PRKCE: variants seen among roughly 807,000 people sequenced by gnomAD.
PRKCE encodes the protein protein kinase C epsilon type.
In PRKCE, 16 loss-of-function variants were observed where a neutral mutation model predicts 85.4. That is an observed-to-expected ratio of 0.19 (90% CI 0.13 to 0.28). The LOEUF is 0.28. Among genes scored for constraint, PRKCE ranks in the 10% least tolerant of loss-of-function variants. The pLI, the probability that PRKCE is intolerant of heterozygous loss-of-function variation, is 1.00. For synonymous variants in PRKCE, 388 were observed against 371.5 expected, an observed-to-expected ratio of 1.04 and a Z score of -0.51; for missense variants, 573 against 975.2, an observed-to-expected ratio of 0.59 and a Z score of 5.49.
intron 2 of PRKCE, among the ~76,000 whole-genome samples, chr2:45,892,675 A>G (rs2103618606): frequency 6.6e-6 from 1 of 152,056 alleles, no homozygotes; most frequent in South Asian, 2.2e-4. Context: ...GCCCAGAAGC[A>G]AATGTAGCAT....
chr2:45,890,822 G>A (rs778576185), intron 2 of PRKCE, among the ~76,000 whole-genome samples: 2 of 152,196 alleles, frequency 1.3e-5, no homozygotes, highest in African/African-American at 2.4e-5. Context: ...TGCTGGTTGA[G>A]GGATGGGTTA....
chr2:45,935,069 A>T (rs13013087), intron 2 of PRKCE, among the ~76,000 whole-genome samples: 1,112 of 96,896 alleles, frequency 0.011, 6 homozygotes, highest in Admixed American at 0.016. Flanking sequence ...TCTCTCTCTC[A>T]CACACACACA....
At chr2:46,153,343 G>A (rs1305284975) in intron 13 of PRKCE, among the ~76,000 whole-genome samples, 12 of 152,022 alleles carry the variant, frequency 7.9e-5, no homozygotes, top group Admixed American at 7.9e-4. Context: ...AATATTTATT[G>A]GCAGGCACTA....
intron 5 of PRKCE, among the ~76,000 whole-genome samples, chr2:45,984,239 G>T (rs984845608): frequency 6.6e-6 from 1 of 152,144 alleles, no homozygotes; most frequent in African/African-American, 2.4e-5. Flanking sequence ...CACCCGGCCT[G>T]AGGTACACAT....
At chr2:45,831,560 A>G (rs1690425818) in intron 1 of PRKCE, among the ~76,000 whole-genome samples, 1 of 152,220 alleles carries the variant, frequency 6.6e-6, no homozygotes, top group South Asian at 2.1e-4. Flanking sequence ...GAGAACAGAG[A>G]ATAAACAGAA....
chr2:46,027,178 T>C (rs1707177581), intron 10 of PRKCE, among the ~76,000 whole-genome samples: 1 of 151,718 alleles, frequency 6.6e-6, no homozygotes, highest in Non-Finnish European at 1.5e-5. Flanking sequence ...CAAAAATAAA[T>C]AAAAGAATTA....
At chr2:46,162,864 C>A (rs1272364912) in intron 14 of PRKCE, among the ~76,000 whole-genome samples, 1 of 152,146 alleles carries the variant, frequency 6.6e-6, no homozygotes, top group Non-Finnish European at 1.5e-5. Context: ...GGAAAAGTGA[C>A]CCAAATCTGT....
intron 10 of PRKCE, among the ~76,000 whole-genome samples, chr2:46,039,179 A>G (rs1708068453): frequency 6.6e-6 from 1 of 152,250 alleles, no homozygotes; most frequent in Admixed American, 6.5e-5. Context: ...TTTCAGGATT[A>G]AATGAGTGGA....
chr2:45,958,381 C>T (rs1461985277), intron 2 of PRKCE, among the ~76,000 whole-genome samples: 3 of 150,922 alleles, frequency 2.0e-5, no homozygotes, highest in East Asian at 1.9e-4. Flanking sequence ...TGGTGGCGGG[C>T]GCCTGTAGTC....
intron 2 of PRKCE, chr2:45,845,515 G>C (rs1378246151): frequency 6.6e-6 from 1 of 151,896 alleles, no homozygotes; most frequent in Non-Finnish European, 1.5e-5. Context: ...CTCAAATGCT[G>C]CAGCCCCATC....
chr2:45,781,169 C>T (rs1177229179), intron 1 of PRKCE, among the ~76,000 whole-genome samples: 4 of 148,286 alleles, frequency 2.7e-5, no homozygotes, highest in African/African-American at 1.1e-4. Context: ...CCCCCCATCT[C>T]TACAAAATAA....
intron 6 of PRKCE, among the ~76,000 whole-genome samples, chr2:45,987,642 G>A (rs952037961): frequency 2.0e-4 from 30 of 151,210 alleles, no homozygotes; most frequent in African/African-American, 6.8e-4. Context: ...GCACAGCCAC[G>A]GAACCTGCAC....
chr2:45,940,134 T>C (rs1573957764), intron 2 of PRKCE, among the ~76,000 whole-genome samples: 1 of 152,192 alleles, frequency 6.6e-6, no homozygotes, highest in South Asian at 2.1e-4. Context: ...GCAATGCAAA[T>C]TGGAAGCTTC....
intron 11 of PRKCE, among the ~76,000 whole-genome samples, chr2:46,101,427 T>G (rs1024218716): frequency 6.6e-6 from 1 of 152,058 alleles, no homozygotes; most frequent in African/African-American, 2.4e-5. Context: ...AAAGAGGACA[T>G]GGAAGAGTGG....
intron 2 of PRKCE, among the ~76,000 whole-genome samples, chr2:45,954,742 T>C (rs925585065): frequency 1.3e-5 from 2 of 152,252 alleles, no homozygotes; most frequent in African/African-American, 4.8e-5. Flanking sequence ...CAAGTACTTA[T>C]TGCATGCTCT....
chr2:45,858,896 C>T (rs1357763568), intron 2 of PRKCE, among the ~76,000 whole-genome samples: 3 of 151,904 alleles, frequency 2.0e-5, no homozygotes, highest in Admixed American at 1.3e-4. Flanking sequence ...CAAAAATTAG[C>T]CGGGCATGGT....
intron 6 of PRKCE, among the ~76,000 whole-genome samples, chr2:45,985,831 G>A (rs898666153): frequency 6.6e-6 from 1 of 152,328 alleles, no homozygotes; most frequent in Admixed American, 6.5e-5. Flanking sequence ...AACTCGAGGT[G>A]CCCGTGGCAA....
intron 2 of PRKCE, among the ~76,000 whole-genome samples, 176 bp from the exon 3 acceptor site, chr2:45,976,253 C>T (rs1225306538): frequency 3.9e-5 from 6 of 152,202 alleles, no homozygotes; most frequent in Non-Finnish European, 5.9e-5. Flanking sequence ...TGTGCTCGCT[C>T]ACTCCAGCTG....
chr2:45,802,785 C>G (rs1166631893), intron 1 of PRKCE, among the ~76,000 whole-genome samples: 1 of 152,218 alleles, frequency 6.6e-6, no homozygotes, highest in Non-Finnish European at 1.5e-5. Flanking sequence ...TCAAACTTTA[C>G]TGTGAATTAA....
Sources: allele counts gnomAD v4.1 joint callset (sites outside exome capture counted in the v4.1 genomes callset), GRCh38; gene constraint gnomAD v4.1.1; transcripts MANE v1.5; gene names NCBI Gene and HGNC (gene_info 2026-07-23, HGNC 2026-07-21).